The following INTS6 variants were observed in gnomAD, a reference collection of about 807,000 sequenced individuals.
INTS6 encodes the protein DEAD box protein.
In INTS6, 16 loss-of-function variants were observed where a neutral mutation model predicts 104.9. The observed-to-expected ratio is 0.15, with a 90% CI of 0.10 to 0.23. The LOEUF (loss-of-function observed/expected upper bound fraction) is 0.23, where lower values mean the gene tolerates loss of function less well. INTS6 is among the 10% of genes least tolerant of loss of function. INTS6 has a pLI of 1.00. For missense variants in INTS6, 584 were observed against 1,062.8 expected, an observed-to-expected ratio of 0.55 and a Z score of 6.26; for synonymous variants, 324 against 358.7, an observed-to-expected ratio of 0.90 and a Z score of 1.09.
chr13:51,436,038 T>C (rs1952679349), intron 3 of INTS6, among the ~76,000 whole-genome samples: 1 of 152,088 alleles, frequency 6.6e-6, no homozygotes, highest in African/African-American at 2.4e-5. Context: ...TCAGGTAGTG[T>C]AGTATAAATG....
the INTS6 span, among the ~76,000 whole-genome samples, chr13:51,346,690 A>T: frequency 6.6e-6 from 1 of 152,060 alleles, no homozygotes; most frequent in Admixed American, 6.5e-5. Context: ...CCCCATACCC[A>T]GCCCTACAGA....
the INTS6 span, among the ~76,000 whole-genome samples, chr13:51,337,322 T>C: frequency 1.3e-5 from 2 of 152,328 alleles, no homozygotes; most frequent in African/African-American, 4.8e-5. Flanking sequence ...GACCTTTGGA[T>C]TTGAAAGTGA....
At chr13:51,344,161 C>T in the INTS6 span, 6 of 879,562 alleles carry the variant, frequency 6.8e-6, no homozygotes, top group South Asian at 1.5e-5. Flanking sequence ...GAGTTGCTGG[C>T]GTTCCATCTC....
intron 4 of INTS6, chr13:51,423,185 G>T: frequency 2.2e-6 from 1 of 448,886 alleles, no homozygotes; most frequent in Non-Finnish European, 3.6e-6. Context: ...GAAAACTGTT[G>T]CTGAATTAAT....
the INTS6 span, chr13:51,340,963 G>A: frequency 9.5e-7 from 1 of 1,053,244 alleles, no homozygotes; most frequent in Non-Finnish European, 1.4e-6. Context: ...CTCTCCCTCA[G>A]CCGTCCCTAG....
intron 4 of INTS6, among the ~76,000 whole-genome samples, chr13:51,423,329 T>G (rs533989226): frequency 2.5e-4 from 38 of 151,074 alleles, no homozygotes; most frequent in African/African-American, 5.1e-4. Context: ...AGGTAGGGGG[T>G]GTGTGTGTGT....
intron 12 of INTS6, among the ~76,000 whole-genome samples, chr13:51,376,507 A>T (rs1955933606): frequency 6.6e-6 from 1 of 152,158 alleles, no homozygotes; most frequent in Admixed American, 6.5e-5. Flanking sequence ...TTTGATGTGT[A>T]ATTTATATAC....
chr13:51,341,497 G>A, the INTS6 span: 2 of 802,938 alleles, frequency 2.5e-6, no homozygotes, highest in Non-Finnish European at 1.9e-6. Flanking sequence ...TCACCCTGCT[G>A]CTCAGGCTAC....
At chr13:51,389,996 C>T (rs1176859833) in intron 5 of INTS6, among the ~76,000 whole-genome samples, 62 of 152,138 alleles carry the variant, frequency 4.1e-4, no homozygotes, top group Non-Finnish European at 2.9e-5. Flanking sequence ...GTGTGCTTTT[C>T]TGAATTTCAC....
At chr13:51,349,581 AC>A (rs774724266), downstream of INTS6, among the ~76,000 whole-genome samples, 15 of 152,310 alleles carry the variant, frequency 9.8e-5, no homozygotes, top group South Asian at 6.2e-4. Context: ...ATTCGCCACA[AC>A]CTTTTTGGGT....
intron 4 of INTS6, chr13:51,421,192 C>T (rs1444977281): frequency 1.0e-6 from 1 of 985,626 alleles, no homozygotes; most frequent in East Asian, 1.1e-4. Flanking sequence ...AAGGCTTTTC[C>T]CCACGATCTG....
At chr13:51,387,312 A>AG in intron 7 of INTS6, 74 bp downstream of exon 7, 3 of 1,344,636 alleles carry the variant, frequency 2.2e-6, no homozygotes, top group Non-Finnish European at 3.0e-6. Context: ...CACAGCTTTG[A>AG]CAACAGAATT....
chr13:51,435,160 C>T (rs1957164006), intron 3 of INTS6, among the ~76,000 whole-genome samples: 1 of 151,872 alleles, frequency 6.6e-6, no homozygotes, highest in East Asian at 1.9e-4. Flanking sequence ...CTAAGCTCTG[C>T]TACAACAAAG....
At chr13:51,430,083 G>A (rs753091261) in intron 4 of INTS6, among the ~76,000 whole-genome samples, 3 of 152,030 alleles carry the variant, frequency 2.0e-5, no homozygotes, top group Non-Finnish European at 4.4e-5. Flanking sequence ...CAAATGAGGT[G>A]TGGGTATGCT....
intron 3 of INTS6, chr13:51,442,658 GATC>G (rs1952820246): frequency 6.5e-6 from 1 of 152,934 alleles, no homozygotes; most frequent in East Asian, 1.9e-4. Context: ...CCTCCTGTTA[GATC>G]AGCAGCAGCA....
the INTS6 span, among the ~76,000 whole-genome samples, chr13:51,343,852 A>T: frequency 1.3e-5 from 2 of 152,132 alleles, no homozygotes; most frequent in Non-Finnish European, 2.9e-5. Flanking sequence ...AAATCTCCTG[A>T]TGTGTTTGAA....
chr13:51,394,389 C>CA (rs1210532588), intron 5 of INTS6, among the ~76,000 whole-genome samples: 3 of 151,988 alleles, frequency 2.0e-5, no homozygotes, highest in African/African-American at 7.2e-5. Context: ...TGCAGATTTC[C>CA]AAAATCCATA....
At chr13:51,347,397 G>A in the INTS6 span, among the ~76,000 whole-genome samples, 2 of 152,158 alleles carry the variant, frequency 1.3e-5, no homozygotes, top group African/African-American at 2.4e-5. Context: ...TAAGGTGCCC[G>A]GAGACTTTAG....
chr13:51,394,131 G>A (rs528319129), intron 5 of INTS6, among the ~76,000 whole-genome samples: 4 of 151,678 alleles, frequency 2.6e-5, no homozygotes, highest in Non-Finnish European at 5.9e-5. Flanking sequence ...AAAAAAATAC[G>A]ACTGTCACTG....
Sources: allele counts gnomAD v4.1 joint callset (sites outside exome capture counted in the v4.1 genomes callset), GRCh38; gene constraint gnomAD v4.1.1; transcripts MANE v1.5; gene names NCBI Gene and HGNC (gene_info 2026-07-23, HGNC 2026-07-21).